EIF1AX: variants seen among roughly 807,000 people sequenced by gnomAD.
The protein encoded by EIF1AX is eukaryotic translation initiation factor 1A X-linked.
A neutral mutation model predicts 16.1 loss-of-function variants in EIF1AX; 1 was observed. The observed-to-expected ratio is 0.06, with a 90% CI of 0.02 to 0.30. EIF1AX has a LOEUF of 0.30. Among genes scored for constraint, EIF1AX ranks in the 10% least tolerant of loss-of-function variants. The pLI, the probability that EIF1AX is intolerant of heterozygous loss-of-function variation, is 1.00. For synonymous variants in EIF1AX, 32 were observed against 37.3 expected (o/e 0.86, Z 0.51); for missense variants, 11 against 109.1 (o/e 0.10, Z 4.00).
Position 20,135,946 on chromosome X carries a change from G to A in EIF1AX, c.101-105C>T, listed in dbSNP as rs969544116. On this transcript the variant is annotated intron_variant, in intron 2 of 6. Transcript: ENST00000379607. ...AAGAGAATAAAGTTGCACCAGTTGG[G>A]AATAAATACATATAGTAAAACTATA... is the stretch of plus-strand genomic sequence containing the variant. 14 of 551,588 alleles carry A rather than the reference G, an allele frequency of 2.5e-5. No homozygotes were observed. In the Admixed American group the frequency reaches 3.7e-4, roughly 15 times the overall value. The allele number at this position is 551,588 out of a possible 1,213,427, so 45.5% of individuals were successfully genotyped here. A position where few individuals can be genotyped will look rare whatever the true frequency, so the allele number is the denominator to read the frequency against.
Position 20,135,758 on chromosome X carries a change from T to G in EIF1AX, c.184A>C (p.Arg62=). The G allele has an allele frequency of 8.3e-7, 1 of 1,202,832 alleles. No individual in the cohort carries two copies. Among genetic ancestry groups the G allele is most frequent in the Middle Eastern group, 2.3e-4 (1 of 4,328 alleles). Residue 62 remains arginine (R), a synonymous_variant, in exon 3 of 7, where the codon AGA becomes CGA. Coordinates refer to ENST00000379607, the MANE Select transcript of EIF1AX (RefSeq NM_001412.4). ...CCTACCTTTTTTCTCAATTTTCCTCTGATGTGACATAACCTCTTTACACCA... is the reference window on the plus strand; with the variant it reads ...CCTACCTTTTTTCTCAATTTTCCTCGGATGTGACATAACCTCTTTACACCA... ...FDGVKRLCHI[R]GKLRKKVWIN...
chrX:20,135,185 G>A (rs758719992), intron 3 of EIF1AX, among the ~76,000 whole-genome samples: 3 of 103,961 alleles, frequency 2.9e-5, no homozygotes, highest in East Asian at 6.0e-4. Context: ...AGTGGCTCAT[G>A]CCTATAATCC....
In EIF1AX at chrX:20,135,869, GA is replaced by G. The variant is rs750044706; in HGVS notation, c.101-29del. 1.3e-5 allele frequency: 14 copies of G among 1,070,852 alleles called. No individual in the cohort carries two copies. The African/African-American group carries it at 2.2e-4, about 17-fold the overall frequency. The allele number at this position is 1,070,852 out of a possible 1,213,427, so 88.3% of individuals were successfully genotyped here. A position where few individuals can be genotyped will look rare whatever the true frequency, so the allele number is the denominator to read the frequency against. On this transcript the variant is annotated intron_variant, in intron 2 of 6. Coordinates refer to ENST00000379607, the MANE Select transcript of EIF1AX (RefSeq NM_001412.4). ...AGCGGGGAGAAAGGAAAAGGGTATG[GA>G]ATATTGTTCAACTTTTGATAACAGC...
chrX:20,137,696 A>G (rs1056829198), intron 2 of EIF1AX, among the ~76,000 whole-genome samples: 9 of 111,847 alleles, frequency 8.0e-5, no homozygotes, highest in African/African-American at 2.6e-4. Flanking sequence ...ATTTTATTGT[A>G]GTTTACGAAG....
intron 1 of EIF1AX, 28 bp downstream of exon 1, chrX:20,141,597 C>A: frequency 1.7e-6 from 2 of 1,152,245 alleles, no homozygotes; most frequent in Non-Finnish European, 2.3e-6. Context: ...CGAGCAGAGC[C>A]GTGGTCCGGG....
At chrX:20,138,320 T>C (rs1317188827) in intron 2 of EIF1AX, among the ~76,000 whole-genome samples, 1 of 110,104 alleles carries the variant, frequency 9.1e-6, no homozygotes, top group African/African-American at 3.3e-5. Flanking sequence ...ATTTTTAAAA[T>C]TAGCCAGACG....
Position 20,126,050 on chromosome X carries a change from C to T in EIF1AX, c.*2256G>A, listed in dbSNP as rs1185289672. On this transcript the variant is annotated 3_prime_UTR_variant, in exon 7 of 7. Transcript: ENST00000379607. Reference sequence around the variant, plus strand: ...ACTGCAAGTGGAATAAACATTGCAACAAAAATGCAACCCAATCAAAATCAT... The same window carrying T: ...ACTGCAAGTGGAATAAACATTGCAATAAAAATGCAACCCAATCAAAATCAT... 2 of 129,430 alleles carry T rather than the reference C, an allele frequency of 1.5e-5. No homozygotes were observed. The highest frequency in any genetic ancestry group is 6.8e-5 in the African/African-American group (2 of 29,551). 10.7% of individuals were successfully genotyped at this position (129,430 alleles called of 1,213,427 possible).
intron 2 of EIF1AX, chrX:20,136,173 C>A (rs1041125062): frequency 1.4e-5 from 4 of 294,195 alleles, no homozygotes; most frequent in Middle Eastern, 5.8e-4. Context: ...CATATGCACC[C>A]CCTCACCCCC....
rs758861788 is a variant in EIF1AX at position 20,128,260 on chromosome X, T to C, written c.*46A>G. The C allele has an allele frequency of 4.6e-5, 53 of 1,154,279 alleles. No individual in the cohort carries two copies. The highest frequency in any genetic ancestry group is 5.0e-5 in the Non-Finnish European group (43 of 853,166). On this transcript the variant is annotated 3_prime_UTR_variant, in exon 7 of 7. Coordinates refer to ENST00000379607, the MANE Select transcript of EIF1AX (RefSeq NM_001412.4). ...TTTGTCATGATCAAAATCCAAATTG[T>C]AGGACAATCTTCAGAAAAGATGGAA...
At chrX:20,141,186 G>A (rs754407580) in intron 1 of EIF1AX, among the ~76,000 whole-genome samples, 1 of 111,716 alleles carries the variant, frequency 9.0e-6, no homozygotes, top group South Asian at 3.7e-4. Context: ...AGAAACCCAT[G>A]CAGGAGTACC....
chrX:20,138,459 C>T lies in EIF1AX; in HGVS notation c.100+80G>A, dbSNP rs1287787986. On this transcript the variant is annotated intron_variant, in intron 2 of 6. Transcript: ENST00000379607. Reference sequence around the variant, plus strand: ...ACTTCACCCTGGGCGATGGGCAAGACGCTGTCTCAAAAAAATAAAGTCCCC... The same window carrying T: ...ACTTCACCCTGGGCGATGGGCAAGATGCTGTCTCAAAAAAATAAAGTCCCC... 16 of 818,454 alleles carry T rather than the reference C, an allele frequency of 2.0e-5. No homozygotes were observed. In the South Asian group the frequency reaches 2.3e-4, roughly 12 times the overall value. The allele number at this position is 818,454 out of a possible 1,213,427, so 67.4% of individuals were successfully genotyped here. A position where few individuals can be genotyped will look rare whatever the true frequency, so the allele number is the denominator to read the frequency against.
chrX:20,140,664 T>C (rs1159464298), intron 1 of EIF1AX, among the ~76,000 whole-genome samples: 1 of 111,573 alleles, frequency 9.0e-6, no homozygotes, highest in East Asian at 2.8e-4. Flanking sequence ...GAGGGTTTCC[T>C]CTAGAATGAA....
intron 2 of EIF1AX, 181 bp from the exon 3 acceptor site, chrX:20,136,022 A>G: frequency 7.2e-6 from 3 of 414,977 alleles, no homozygotes; most frequent in Non-Finnish European, 1.3e-5. Context: ...GCAGAGCTAG[A>G]ACTAAGACTC....
chrX:20,124,998 T>C lies in EIF1AX; in HGVS notation c.*3308A>G, dbSNP rs2066980641. The C allele has an allele frequency of 6.8e-6, 1 of 146,522 alleles. No individual in the cohort carries two copies. Among genetic ancestry groups the C allele is most frequent in the African/African-American group, 3.1e-5 (1 of 32,410 alleles). 12.1% of individuals were successfully genotyped at this position (146,522 alleles called of 1,213,427 possible). A position where few individuals can be genotyped will look rare whatever the true frequency, so the allele number is the denominator to read the frequency against. ...TGAAAAGAGCAGACACTGATCTAAGTACATTACATGTATAAACATCTAAAT... is the reference window on the plus strand; with the variant it reads ...TGAAAAGAGCAGACACTGATCTAAGCACATTACATGTATAAACATCTAAAT... On this transcript the variant is annotated 3_prime_UTR_variant, in exon 7 of 7. Coordinates refer to ENST00000379607, the MANE Select transcript of EIF1AX (RefSeq NM_001412.4).
intron 1 of EIF1AX, among the ~76,000 whole-genome samples, chrX:20,140,783 T>C (rs2067031530): frequency 8.9e-6 from 1 of 112,026 alleles, no homozygotes; most frequent in African/African-American, 3.2e-5. Flanking sequence ...TATACGGCTA[T>C]TAAAAATGAC....
intron 6 of EIF1AX, among the ~76,000 whole-genome samples, chrX:20,129,314 A>G: frequency 9.0e-6 from 1 of 111,558 alleles, no homozygotes; most frequent in East Asian, 2.8e-4. Context: ...AAGTCTGGCT[A>G]TGTTACCCAG....
rs770523210 is a variant in EIF1AX, at chrX:20,125,248, G to C, written c.*3058C>G. The C allele has an allele frequency of 1.9e-4, 32 of 164,167 alleles. No homozygotes were observed. The highest frequency in any genetic ancestry group is 9.3e-4 in the African/African-American group (31 of 33,381). 13.5% of individuals were successfully genotyped at this position (164,167 alleles called of 1,213,427 possible). On this transcript the variant is annotated 3_prime_UTR_variant, in exon 7 of 7. Coordinates refer to ENST00000379607, the MANE Select transcript of EIF1AX (RefSeq NM_001412.4). ...ACCTAGCAACTTGCAGGGCTAGGAG[G>C]GGGGAATAAGAGAGGACAAAGTCCA...
At chrX:20,135,345 C>A (rs1187960486) in intron 3 of EIF1AX, among the ~76,000 whole-genome samples, 3 of 110,398 alleles carry the variant, frequency 2.7e-5, no homozygotes, top group African/African-American at 6.6e-5. Context: ...ACACGGGAGG[C>A]TGAAGTGGGA....
intron 3 of EIF1AX, 107 bp from the exon 4 acceptor site, chrX:20,134,114 C>T: frequency 9.1e-6 from 8 of 878,629 alleles, no homozygotes; most frequent in Non-Finnish European, 1.3e-5. Context: ...AGGCCAGGAG[C>T]GGTGGCTCAT....
Sources: gnomAD v4.1 joint callset for allele counts (sites outside exome capture counted in the v4.1 genomes callset) on GRCh38, gnomAD v4.1.1 for gene constraint, MANE v1.5 for transcripts, NCBI Gene and HGNC (gene_info 2026-07-23, HGNC 2026-07-21) for gene names.